CDC14A: variants seen among roughly 807,000 people sequenced by gnomAD.
CDC14A encodes cell division cycle 14A.
CDC14A carries 53 observed loss-of-function variants against 74.4 expected under a neutral mutation model. The ratio of observed to expected loss-of-function variants is 0.71; its 90% CI spans 0.57 to 0.89. CDC14A has a LOEUF of 0.89. Ranked by LOEUF, CDC14A falls within the 40% of genes least tolerant of loss-of-function variation. The pLI, the probability that CDC14A is intolerant of heterozygous loss-of-function variation, is 0.00. For missense variants in CDC14A, 646 were observed against 713.7 expected, an observed-to-expected ratio of 0.91 and a Z score of 1.08; for synonymous variants, 247 against 258.4, an observed-to-expected ratio of 0.96 and a Z score of 0.43.
intron 11 of CDC14A, among the ~76,000 whole-genome samples, chr1:100,491,574 T>A (rs866066382): frequency 3.7e-3 from 188 of 50,194 alleles, no homozygotes; most frequent in East Asian, 9.3e-3. Context: ...ATATATATAT[T>A]TTTTTTTTTT....
intron 4 of CDC14A, among the ~76,000 whole-genome samples, chr1:100,419,474 G>A (rs979950770): frequency 3.2e-4 from 49 of 152,340 alleles, no homozygotes; most frequent in African/African-American, 1.1e-3. Context: ...CTCAATTGCA[G>A]TTTTGCAAGC....
chr1:100,446,148 GCAA>G (rs1464235248), intron 7 of CDC14A, among the ~76,000 whole-genome samples: 2 of 152,066 alleles, frequency 1.3e-5, no homozygotes, highest in Non-Finnish European at 2.9e-5. Flanking sequence ...AGTTTTCAAA[GCAA>G]AATTTTATTG....
rs1667469153 is a variant in CDC14A, at chr1:100,463,058, G to C, written c.838+177G>C. 6.7e-6 allele frequency: 4 copies of C among 597,748 alleles called. No individual in the cohort carries two copies. The South Asian group carries it at 8.1e-5, about 12-fold the overall frequency. 37.0% of individuals were successfully genotyped at this position (597,748 alleles called of 1,614,324 possible). A position where few individuals can be genotyped will look rare whatever the true frequency, so the allele number is the denominator to read the frequency against. ...CCCCTTCTTAAAGAAACGATTGCTT[G>C]GGTGTGGACAATTGGTGGTGGTGTG... On this transcript the variant is annotated intron_variant, in intron 9 of 15. Transcript: ENST00000336454.
intron 4 of CDC14A, among the ~76,000 whole-genome samples, chr1:100,416,839 A>C (rs1253848875): frequency 6.6e-6 from 1 of 152,208 alleles, no homozygotes; most frequent in Non-Finnish European, 1.5e-5. Context: ...TATTATCCTC[A>C]GTTTATACCT....
intron 8 of CDC14A, among the ~76,000 whole-genome samples, chr1:100,460,281 A>G (rs1291935739): frequency 6.6e-6 from 1 of 152,216 alleles, no homozygotes; most frequent in Non-Finnish European, 1.5e-5. Flanking sequence ...AGATGTATAC[A>G]TCGTTTCTCT....
chr1:100,498,354 C>T (rs1037325524), intron 14 of CDC14A, 147 bp downstream of exon 14: 22 of 887,564 alleles, frequency 2.5e-5, no homozygotes, highest in African/African-American at 5.0e-5. Context: ...CTGGGGCTTC[C>T]GTTCCTGTCT....
chr1:100,447,592 A>G (rs1571215852), intron 7 of CDC14A, among the ~76,000 whole-genome samples: 1 of 152,246 alleles, frequency 6.6e-6, no homozygotes, highest in Admixed American at 6.5e-5. Flanking sequence ...TTTGAAATCT[A>G]GCCATTTCAA....
intron 4 of CDC14A, among the ~76,000 whole-genome samples, chr1:100,399,311 T>C (rs1171779069): frequency 2.0e-5 from 3 of 152,196 alleles, no homozygotes; most frequent in Non-Finnish European, 4.4e-5. Flanking sequence ...AAATTTTTTA[T>C]AATGTAACAC....
intron 2 of CDC14A, among the ~76,000 whole-genome samples, chr1:100,362,523 C>T (rs768327594): frequency 6.6e-6 from 1 of 152,114 alleles, no homozygotes; most frequent in Non-Finnish European, 1.5e-5. Flanking sequence ...ATATACCATA[C>T]TGTATTGAAC....
intron 15 of CDC14A, 105 bp from the exon 16 acceptor site, chr1:100,518,146 C>A: frequency 1.3e-6 from 1 of 788,650 alleles, no homozygotes; most frequent in Non-Finnish European, 2.1e-6. Flanking sequence ...TAGTTTATTT[C>A]ATTGATCTCT....
intron 10 of CDC14A, among the ~76,000 whole-genome samples, chr1:100,482,837 T>TA (rs1329426685): frequency 2.6e-5 from 4 of 151,834 alleles, no homozygotes; most frequent in East Asian, 2.0e-4. Flanking sequence ...TATATATATA[T>TA]TTTTTTATAC....
chr1:100,515,435 G>A (rs1275431681), intron 15 of CDC14A, among the ~76,000 whole-genome samples: 2 of 149,086 alleles, frequency 1.3e-5, no homozygotes, highest in African/African-American at 5.0e-5. Flanking sequence ...CCAGGCTGGA[G>A]TGCAATGGAG....
intron 4 of CDC14A, among the ~76,000 whole-genome samples, chr1:100,420,063 C>CACACACACATAT: frequency 1.3e-4 from 8 of 61,594 alleles, no homozygotes; most frequent in African/African-American, 2.0e-4. Context: ...CACACACACA[C>CACACACACATAT]ATATATATAT....
chr1:100,475,935 C>T (rs758798112), intron 10 of CDC14A, among the ~76,000 whole-genome samples: 9 of 152,024 alleles, frequency 5.9e-5, no homozygotes, highest in East Asian at 1.9e-4. Flanking sequence ...ACTTCTGTGG[C>T]GAGGGATTGA....
At chr1:100,420,063 C>CACAATATATATATATATATATATATAT in intron 4 of CDC14A, among the ~76,000 whole-genome samples, 1 of 61,566 alleles carries the variant, frequency 1.6e-5, no homozygotes, top group Non-Finnish European at 3.8e-5. Context: ...CACACACACA[C>CACAATATATATATATATATATATATAT]ATATATATAT....
upstream of CDC14A, among the ~76,000 whole-genome samples, chr1:100,349,694 C>A (rs1650743936): frequency 6.6e-6 from 1 of 152,188 alleles, no homozygotes; most frequent in Admixed American, 6.5e-5. Context: ...CCCAGAGACA[C>A]TGCACTGCTG....
chr1:100,353,959 A>G (rs548066746), intron 2 of CDC14A, 107 bp downstream of exon 2: 4 of 668,480 alleles, frequency 6.0e-6, no homozygotes, highest in African/African-American at 1.8e-5. Flanking sequence ...CCCCAATGAT[A>G]CGAGTAACAA....
intron 7 of CDC14A, among the ~76,000 whole-genome samples, chr1:100,454,884 C>T (rs951631785): frequency 1.3e-5 from 2 of 151,968 alleles, no homozygotes; most frequent in African/African-American, 2.4e-5. Flanking sequence ...GGAATGGATG[C>T]GCCAATATCA....
At position 100,357,745 on chromosome 1, in the gene CDC14A, T is replaced by TAAA. The variant is rs71310165; in HGVS notation, c.140+3907_140+3909dup. On this transcript the variant is annotated intron_variant, in intron 2 of 15. Coordinates refer to ENST00000336454, the MANE Select transcript of CDC14A (RefSeq NM_003672.4). ...AGCAACATAGTGAGACCCCATCTCT[T>TAAA]AAAAAAAAAAAAAAAAGAAAGAAAT... Among the ~76,000 whole-genome samples, 279 of 139,502 alleles carry TAAA rather than the reference T, an allele frequency of 2.0e-3. 1 individual carries two copies. Among genetic ancestry groups the TAAA allele is most frequent in the African/African-American group, 5.9e-3 (221 of 37,546 alleles). The allele number at this position is 139,502 out of a possible 152,430, so 91.5% of individuals were successfully genotyped here. A position where few individuals can be genotyped will look rare whatever the true frequency, so the allele number is the denominator to read the frequency against.
Sources: allele counts gnomAD v4.1 joint callset (sites outside exome capture counted in the v4.1 genomes callset), GRCh38; gene constraint gnomAD v4.1.1; transcripts MANE v1.5; gene names NCBI Gene and HGNC (gene_info 2026-07-23, HGNC 2026-07-21).